The following ST3GAL3 variants were observed in gnomAD, a reference collection of about 807,000 sequenced individuals.
ST3GAL3 encodes ST3 beta-galactoside alpha-2,3-sialyltransferase 3, also known as CMP-N-acetylneuraminate-beta-1,4-galactoside alpha-2,3-sialyltransferase.
A neutral mutation model predicts 50.1 loss-of-function variants in ST3GAL3; 21 were observed. That is an observed-to-expected ratio of 0.42 (90% CI 0.30 to 0.60). The LOEUF is 0.60. ST3GAL3 is among the 20% of genes least tolerant of loss of function. The pLI is 0.19. For missense variants in ST3GAL3, 353 were observed against 489.4 expected, an observed-to-expected ratio of 0.72 and a Z score of 2.63; for synonymous variants, 183 against 190.0, an observed-to-expected ratio of 0.96 and a Z score of 0.30.
intron 11 of ST3GAL3, among the ~76,000 whole-genome samples, chr1:43,927,432 T>C (rs1019160780): frequency 1.3e-5 from 2 of 152,236 alleles, no homozygotes; most frequent in Non-Finnish European, 2.9e-5. Flanking sequence ...AATTCCTTAA[T>C]ATCATCAAAT....
intron 1 of ST3GAL3, among the ~76,000 whole-genome samples, chr1:43,721,295 C>CTTTT (rs35508020): frequency 1.0e-5 from 1 of 99,844 alleles, no homozygotes; most frequent in African/African-American, 3.9e-5. Flanking sequence ...ATAATTAAAC[C>CTTTT]TTTTTTTTTT....
At position 43,899,319 on chromosome 1, in the gene ST3GAL3, T is replaced by G. The variant is rs2077881290; in HGVS notation, c.557+56T>G. On this transcript the variant is annotated intron_variant, in intron 8 of 11. Transcript: ENST00000347631. This position sits in a 1 kb window ranked among gnomAD's most constrained non-coding sequence, Gnocchi z 5.4. ...GTGTCGTGGCCCCAACCCTTAGTCC[T>G]GAGCCCATTGAGAACTGTCTGTCTG... 1 of 1,613,662 alleles carries G rather than the reference T, an allele frequency of 6.2e-7. No individual in the cohort carries two copies. Among genetic ancestry groups the G allele is most frequent in the African/African-American group, 1.3e-5 (1 of 74,926 alleles).
chr1:43,817,456 TTC>T (rs1284403527), intron 4 of ST3GAL3, among the ~76,000 whole-genome samples: 5 of 144,766 alleles, frequency 3.5e-5, no homozygotes, highest in East Asian at 2.4e-4. Flanking sequence ...TTCTTCTTTC[TTC>T]TTTCTTCTTC....
intron 3 of ST3GAL3, among the ~76,000 whole-genome samples, chr1:43,797,385 C>T (rs1018148095): frequency 2.0e-5 from 3 of 152,074 alleles, no homozygotes; most frequent in African/African-American, 2.4e-5. Context: ...ATTTATCATT[C>T]GTGTCTTCAG....
chr1:43,919,422 C>T (rs954357015), intron 9 of ST3GAL3: 1 of 152,206 alleles, frequency 6.6e-6, no homozygotes, highest in African/African-American at 2.4e-5. Context: ...CGGTTGGAGC[C>T]CGTGGTTTGG....
At chr1:43,714,232 C>G (rs1052738843) in intron 1 of ST3GAL3, among the ~76,000 whole-genome samples, 26 of 149,352 alleles carry the variant, frequency 1.7e-4, no homozygotes, top group Admixed American at 8.7e-4. Flanking sequence ...CCACTGCACT[C>G]CAGCCTGGGT....
intron 11 of ST3GAL3, among the ~76,000 whole-genome samples, chr1:43,929,536 C>T (rs1335694190): frequency 6.6e-6 from 1 of 152,042 alleles, no homozygotes; most frequent in East Asian, 1.9e-4. Context: ...CTCCTGACCT[C>T]GTGATCCACC....
chr1:43,789,606 C>T (rs763683079), intron 2 of ST3GAL3, among the ~76,000 whole-genome samples: 16 of 152,072 alleles, frequency 1.1e-4, no homozygotes, highest in South Asian at 2.1e-4. Context: ...CATGATGGCT[C>T]GTGCCTGTAA....
intron 5 of ST3GAL3, among the ~76,000 whole-genome samples, chr1:43,864,901 A>C (rs2070915148): frequency 6.6e-6 from 1 of 152,118 alleles, no homozygotes; most frequent in Non-Finnish European, 1.5e-5. Flanking sequence ...TGTTGAGTTC[A>C]TCTGGGGAGA....
chr1:43,744,688 A>AAATAAATAAATAAAT (rs1228939710), intron 2 of ST3GAL3, among the ~76,000 whole-genome samples: 45 of 120,308 alleles, frequency 3.7e-4, no homozygotes, highest in African/African-American at 5.0e-4. Context: ...ATAAATAAAT[A>AAATAAATAAATAAAT]AAATAAAATA....
intron 11 of ST3GAL3, among the ~76,000 whole-genome samples, chr1:43,927,056 G>A (rs140006991): frequency 3.3e-5 from 5 of 152,302 alleles, no homozygotes; most frequent in Non-Finnish European, 5.9e-5. Context: ...CAGGCCGGGC[G>A]TGGTGGCTCA....
intron 5 of ST3GAL3, among the ~76,000 whole-genome samples, chr1:43,862,937 T>G (rs2070372944): frequency 6.6e-6 from 1 of 152,044 alleles, no homozygotes; most frequent in African/African-American, 2.4e-5. Flanking sequence ...GGACAGAGTC[T>G]AAAGTGGCTC....
At chr1:43,746,900 C>A (rs1042851267) in intron 2 of ST3GAL3, among the ~76,000 whole-genome samples, 1 of 151,804 alleles carries the variant, frequency 6.6e-6, no homozygotes, top group South Asian at 2.1e-4. Context: ...GTAGCTGGTA[C>A]TACAGGCATG....
chr1:43,799,045 A>C (rs977159649), intron 3 of ST3GAL3, among the ~76,000 whole-genome samples: 4 of 152,192 alleles, frequency 2.6e-5, no homozygotes, highest in African/African-American at 9.7e-5. Context: ...GATATTGTTG[A>C]GTGAACAAAA....
intron 2 of ST3GAL3, among the ~76,000 whole-genome samples, chr1:43,751,430 T>C (rs939996432): frequency 9.2e-5 from 14 of 152,156 alleles, no homozygotes; most frequent in Non-Finnish European, 1.9e-4. Context: ...GGTGTGCACA[T>C]TGCATTGTTT....
chr1:43,886,043 C>T (rs954873221), intron 5 of ST3GAL3, among the ~76,000 whole-genome samples: 4 of 152,326 alleles, frequency 2.6e-5, no homozygotes, highest in African/African-American at 9.6e-5. Flanking sequence ...TATATAGTTT[C>T]AAATAGCTAG....
chr1:43,726,954 G>C (rs988611259), intron 1 of ST3GAL3, among the ~76,000 whole-genome samples: 1 of 152,126 alleles, frequency 6.6e-6, no homozygotes, highest in African/African-American at 2.4e-5. Flanking sequence ...GATGTTTCTT[G>C]GGTGAATTAT....
chr1:43,887,087 A>T (rs2076092638), intron 5 of ST3GAL3, among the ~76,000 whole-genome samples: 1 of 152,194 alleles, frequency 6.6e-6, no homozygotes, highest in Non-Finnish European at 1.5e-5. Context: ...GAAGTAAGAG[A>T]AAAGATACCT....
chr1:43,726,141 G>A (rs1311792405), intron 1 of ST3GAL3, among the ~76,000 whole-genome samples: 3 of 152,016 alleles, frequency 2.0e-5, no homozygotes, highest in Admixed American at 6.6e-5. Context: ...CAAAAGAGTT[G>A]TAGAAATATT....
Sources: gnomAD v4.1 joint callset for allele counts (sites outside exome capture counted in the v4.1 genomes callset) on GRCh38, gnomAD v4.1.1 for gene constraint, Gnocchi (gnomAD v3.1) non-coding constraint, MANE v1.5 for transcripts, NCBI Gene and HGNC (gene_info 2026-07-23, HGNC 2026-07-21) for gene names.